The following IKZF3 variants were observed in gnomAD, a reference collection of about 807,000 sequenced individuals.
IKZF3 encodes IKAROS family zinc finger 3, also known as zinc finger protein Aiolos.
In IKZF3, 10 loss-of-function variants were observed where a neutral mutation model predicts 49.0. The ratio of observed to expected loss-of-function variants is 0.20; its 90% confidence interval spans 0.13 to 0.35. The LOEUF (loss-of-function observed/expected upper bound fraction) is 0.35. Ranked by LOEUF, IKZF3 falls within the 10% of genes least tolerant of loss-of-function variation. The probability of loss-of-function intolerance (pLI) is 1.00; values close to 1 mark genes in which losing one functional copy is unlikely to be tolerated. For synonymous variants in IKZF3, 209 were observed against 228.2 expected, an observed-to-expected ratio of 0.92 and a Z score of 0.76; for missense variants, 498 against 664.8, an observed-to-expected ratio of 0.75 and a Z score of 2.76.
chr17:39,805,119 T>C (rs1424396040), intron 3 of IKZF3, among the ~76,000 whole-genome samples: 2 of 152,218 alleles, frequency 1.3e-5, no homozygotes, highest in Non-Finnish European at 2.9e-5. Flanking sequence ...CTCTACATAG[T>C]GGCTGTTTGA....
At chr17:39,846,661 A>C (rs1157008820) in intron 1 of IKZF3, among the ~76,000 whole-genome samples, 1 of 152,070 alleles carries the variant, frequency 6.6e-6, no homozygotes, top group African/African-American at 2.4e-5. Context: ...ATTAGCTATG[A>C]AGAAAATCAA....
chr17:39,850,423 G>T (rs1176335604), intron 1 of IKZF3, among the ~76,000 whole-genome samples: 3 of 122,828 alleles, frequency 2.4e-5, no homozygotes, highest in South Asian at 2.4e-4. Context: ...ATAGCATATT[G>T]TATGTATATA....
In IKZF3 at chr17:39,792,616, T is replaced by A. The variant is rs2061053540; in HGVS notation, c.424+57A>T. 3 of 1,546,620 alleles carry A rather than the reference T, an allele frequency of 1.9e-6. No individual in the cohort carries two copies. The African/African-American group carries it at 4.1e-5, about 21-fold the overall frequency. ...AAGTTCCAAATTCCACCACTTCATT[T>A]CTCACGTGGCTGCATTAGGAGAGTT... is the stretch of plus-strand genomic sequence containing the variant. On this transcript the variant is annotated intron_variant, in intron 4 of 7. Transcript: ENST00000346872.
In IKZF3 at chr17:39,758,962, A is replaced by T. The variant is rs2060120886; in HGVS notation, c.*6828T>A. The T allele has an allele frequency of 6.6e-6, 1 of 151,206 alleles. No individual in the cohort carries two copies. The highest frequency in any genetic ancestry group is 6.6e-5 in the Admixed American group (1 of 15,142). 9.4% of individuals were successfully genotyped at this position (151,206 alleles called of 1,614,324 possible). ...ATGCACACCACCCCTCAAAGGTAAC[A>T]TTAGCTCATATACAAAATCATGGAA... is the stretch of plus-strand genomic sequence containing the variant. On this transcript the variant is annotated 3_prime_UTR_variant, in exon 8 of 8. Coordinates refer to ENST00000346872, the MANE Select transcript of IKZF3 (RefSeq NM_012481.5).
At chr17:39,808,101 G>C (rs981579778) in intron 3 of IKZF3, among the ~76,000 whole-genome samples, 7 of 152,148 alleles carry the variant, frequency 4.6e-5, no homozygotes, top group Admixed American at 4.6e-4. Context: ...TACTGACTCT[G>C]ATACTGACTC....
chr17:39,842,866 A>C (rs570482123), intron 1 of IKZF3, among the ~76,000 whole-genome samples: 1 of 152,358 alleles, frequency 6.6e-6, no homozygotes, highest in South Asian at 2.1e-4. Flanking sequence ...GAGCAAAGTT[A>C]CATGTGGTCA....
chr17:39,854,442 T>G (rs982514259), intron 1 of IKZF3, among the ~76,000 whole-genome samples: 1 of 152,102 alleles, frequency 6.6e-6, no homozygotes, highest in African/African-American at 2.4e-5. Flanking sequence ...AATCATCCTC[T>G]CTCAATGTAG....
chr17:39,811,357 G>A (rs1006375087), intron 3 of IKZF3, among the ~76,000 whole-genome samples: 2 of 149,536 alleles, frequency 1.3e-5, no homozygotes, highest in African/African-American at 4.9e-5. Context: ...AAGAAAGACA[G>A]AAAGGGAAAG....
At chr17:39,767,788 C>T (rs140244945) in intron 7 of IKZF3, among the ~76,000 whole-genome samples, 299 of 152,134 alleles carry the variant, frequency 2.0e-3, no homozygotes, top group African/African-American at 6.7e-3. Flanking sequence ...GTTGGCCGGG[C>T]GCGGTGGCTC....
At chr17:39,775,450 G>T (rs2060554912) in intron 7 of IKZF3, among the ~76,000 whole-genome samples, 1 of 152,122 alleles carries the variant, frequency 6.6e-6, no homozygotes, top group Non-Finnish European at 1.5e-5. Flanking sequence ...CAGGCAAAAT[G>T]GCATGAATTT....
At chr17:39,773,162 G>A (rs1399623085) in intron 7 of IKZF3, among the ~76,000 whole-genome samples, 3 of 152,118 alleles carry the variant, frequency 2.0e-5, no homozygotes, top group Non-Finnish European at 1.5e-5. Flanking sequence ...CCAAAGCCCC[G>A]CGCATGACAT....
chr17:39,842,698 C>T (rs2062513108), intron 1 of IKZF3, among the ~76,000 whole-genome samples: 1 of 152,114 alleles, frequency 6.6e-6, no homozygotes, highest in Non-Finnish European at 1.5e-5. Context: ...ATATTATTAA[C>T]ATTCTGATGT....
At chr17:39,839,523 A>G in intron 1 of IKZF3, 2 of 558,352 alleles carry the variant, frequency 3.6e-6, no homozygotes, top group South Asian at 2.8e-5. Context: ...GTGAGAAGAC[A>G]TGGTGAGAAG....
chr17:39,838,746 AATTTTGG>A (rs1382684230), intron 1 of IKZF3, among the ~76,000 whole-genome samples: 2 of 152,120 alleles, frequency 1.3e-5, no homozygotes, highest in African/African-American at 4.8e-5. Flanking sequence ...ATGACCACAT[AATTTTGG>A]ATTGTATGCT....
chr17:39,773,653 C>T (rs891364785), intron 7 of IKZF3, among the ~76,000 whole-genome samples: 1 of 152,150 alleles, frequency 6.6e-6, no homozygotes, highest in African/African-American at 2.4e-5. Context: ...CCACTTTGGT[C>T]TGAATAACAT....
intron 6 of IKZF3, among the ~76,000 whole-genome samples, chr17:39,787,830 C>T (rs905519803): frequency 2.6e-5 from 4 of 152,224 alleles, no homozygotes; most frequent in Admixed American, 2.6e-4. Flanking sequence ...AAAGCCAAAG[C>T]CTTTACAATG....
At chr17:39,853,365 T>C (rs964460946) in intron 1 of IKZF3, among the ~76,000 whole-genome samples, 2 of 152,216 alleles carry the variant, frequency 1.3e-5, no homozygotes, top group African/African-American at 2.4e-5. Flanking sequence ...AATTAAACTT[T>C]ATAAAACTGT....
At chr17:39,859,191 A>C (rs1435391552) in intron 1 of IKZF3, among the ~76,000 whole-genome samples, 1 of 151,996 alleles carries the variant, frequency 6.6e-6, no homozygotes, top group Non-Finnish European at 1.5e-5. Flanking sequence ...TAGACTGAAA[A>C]AATAACCTCA....
intron 3 of IKZF3, among the ~76,000 whole-genome samples, chr17:39,802,317 A>G (rs2061339906): frequency 6.6e-6 from 1 of 151,744 alleles, no homozygotes; most frequent in South Asian, 2.1e-4. Flanking sequence ...TCATTGAAAT[A>G]CATTTTTGGC....
Sources: gnomAD v4.1 joint callset for allele counts (sites outside exome capture counted in the v4.1 genomes callset) on GRCh38, gnomAD v4.1.1 for gene constraint, MANE v1.5 for transcripts, NCBI Gene and HGNC (gene_info 2026-07-23, HGNC 2026-07-21) for gene names.